The following FAM174A variants were observed in gnomAD, a reference collection of about 807,000 sequenced individuals.
FAM174A encodes the protein membrane protein FAM174A.
Under a neutral mutation model 14.3 loss-of-function variants are expected in FAM174A, and 14 were observed. The ratio of observed to expected loss-of-function variants is 0.98; its 90% CI spans 0.65 to 1.53. The LOEUF (loss-of-function observed/expected upper bound fraction) is 1.53. Ranked by LOEUF, FAM174A falls within the 40% of genes most tolerant of loss-of-function variation. The pLI is 0.00. For missense variants in FAM174A, 241 were observed against 249.6 expected, an observed-to-expected ratio of 0.97 and a Z score of 0.23; for synonymous variants, 108 against 111.4, an observed-to-expected ratio of 0.97 and a Z score of 0.19.
chr5:100,567,119 G>C (rs1277488041), intron 2 of FAM174A, among the ~76,000 whole-genome samples: 1 of 151,622 alleles, frequency 6.6e-6, no homozygotes, highest in Non-Finnish European at 1.5e-5. Flanking sequence ...AACAAGAATT[G>C]GTTATAATAA....
chr5:100,561,230 C>A (rs915909249), intron 1 of FAM174A, among the ~76,000 whole-genome samples: 1 of 151,826 alleles, frequency 6.6e-6, no homozygotes, highest in Admixed American at 6.6e-5. Flanking sequence ...TGTTAAGCAC[C>A]CTTGAATCTT....
chr5:100,570,571 T>C (rs578134722), intron 2 of FAM174A, among the ~76,000 whole-genome samples: 1 of 152,024 alleles, frequency 6.6e-6, no homozygotes, highest in South Asian at 2.1e-4. Flanking sequence ...AATAGGAACT[T>C]GACCAAGGAT....
chr5:100,546,348 T>C (rs1207254410), intron 1 of FAM174A, among the ~76,000 whole-genome samples: 6 of 152,128 alleles, frequency 3.9e-5, no homozygotes, highest in Non-Finnish European at 7.4e-5. Flanking sequence ...GTCCTAGTCA[T>C]GAGCCTACTA....
chr5:100,556,993 G>T (rs1377911118), intron 1 of FAM174A, among the ~76,000 whole-genome samples: 1 of 152,134 alleles, frequency 6.6e-6, no homozygotes, highest in Admixed American at 6.5e-5. Flanking sequence ...AATAGGAGTG[G>T]TGAGAGAGGG....
intron 2 of FAM174A, among the ~76,000 whole-genome samples, chr5:100,585,469 G>A (rs767575905): frequency 2.0e-5 from 3 of 151,804 alleles, no homozygotes; most frequent in Non-Finnish European, 2.9e-5. Flanking sequence ...GCTGGAATAC[G>A]GTGGCACAAT....
At chr5:100,567,622 G>T in intron 2 of FAM174A, among the ~76,000 whole-genome samples, 1 of 151,854 alleles carries the variant, frequency 6.6e-6, no homozygotes, top group East Asian at 1.9e-4. Flanking sequence ...AGATTTACTA[G>T]TTATTAGCAT....
chr5:100,584,752 G>A (rs1463941657), intron 2 of FAM174A, among the ~76,000 whole-genome samples: 6 of 152,176 alleles, frequency 3.9e-5, no homozygotes, highest in Non-Finnish European at 8.8e-5. Flanking sequence ...TGAAGCTGCA[G>A]TGACAGTTTC....
At chr5:100,575,207 A>G (rs1746875888) in intron 2 of FAM174A, among the ~76,000 whole-genome samples, 1 of 151,980 alleles carries the variant, frequency 6.6e-6, no homozygotes, top group Non-Finnish European at 1.5e-5. Flanking sequence ...CTGCCTTTTC[A>G]ATTGCAGTAC....
intron 2 of FAM174A, among the ~76,000 whole-genome samples, chr5:100,577,400 G>A (rs1055623259): frequency 6.6e-6 from 1 of 151,958 alleles, no homozygotes; most frequent in African/African-American, 2.4e-5. Context: ...GGCTACTGCT[G>A]TTATGCTTCA....
chr5:100,573,220 G>T (rs1193897094), intron 2 of FAM174A, among the ~76,000 whole-genome samples: 2 of 151,902 alleles, frequency 1.3e-5, no homozygotes, highest in East Asian at 1.9e-4. Context: ...CACTCTGATG[G>T]TAGTTTCTTT....
intron 2 of FAM174A, among the ~76,000 whole-genome samples, chr5:100,566,474 T>G (rs1020427339): frequency 6.6e-6 from 1 of 151,682 alleles, no homozygotes; most frequent in Non-Finnish European, 1.5e-5. Context: ...AGTTCATTTA[T>G]GCAAGATGAA....
At position 100,586,399 on chromosome 5, in the gene FAM174A, G is replaced by A. The variant is rs1039662110; in HGVS notation, c.*215G>A. On this transcript the variant is annotated 3_prime_UTR_variant, in exon 3 of 3. Transcript: ENST00000312637. ...TCTGTTAATGGGCTCAGAGATGTTG[G>A]GGATAAAGTATACTGTAATAATTTA... The A allele has an allele frequency of 8.1e-5, 25 of 308,594 alleles. No individual in the cohort carries two copies. Among genetic ancestry groups the A allele is most frequent in the East Asian group, 3.2e-4 (7 of 21,568 alleles). 19.1% of individuals were successfully genotyped at this position (308,594 alleles called of 1,614,324 possible).
intron 2 of FAM174A, among the ~76,000 whole-genome samples, chr5:100,570,106 CTG>C (rs1746747520): frequency 6.6e-6 from 1 of 151,818 alleles, no homozygotes; most frequent in South Asian, 2.1e-4. Context: ...TTCTAGACAT[CTG>C]TGCTATTTTT....
At chr5:100,576,400 C>T (rs926909852) in intron 2 of FAM174A, among the ~76,000 whole-genome samples, 3 of 152,130 alleles carry the variant, frequency 2.0e-5, no homozygotes, top group African/African-American at 7.2e-5. Context: ...ATCATACTAG[C>T]AGTTCCTATA....
chr5:100,578,157 A>AT (rs781052377), intron 2 of FAM174A, among the ~76,000 whole-genome samples: 1 of 152,100 alleles, frequency 6.6e-6, no homozygotes, highest in Non-Finnish European at 1.5e-5. Context: ...AAAACTGAGC[A>AT]TTTTACATAG....
At chr5:100,537,203 C>T (rs541022910) in intron 1 of FAM174A, among the ~76,000 whole-genome samples, 2 of 152,210 alleles carry the variant, frequency 1.3e-5, no homozygotes, top group African/African-American at 4.8e-5. Context: ...TATGCTTCAA[C>T]CAAACAACAC....
intron 2 of FAM174A, among the ~76,000 whole-genome samples, chr5:100,568,219 G>A (rs531898297): frequency 2.0e-5 from 3 of 151,970 alleles, no homozygotes; most frequent in African/African-American, 7.2e-5. Context: ...TGTCCCAGAT[G>A]TGGTCAGTGG....
At chr5:100,552,831 G>C (rs1746291164) in intron 1 of FAM174A, among the ~76,000 whole-genome samples, 1 of 152,050 alleles carries the variant, frequency 6.6e-6, no homozygotes, top group Non-Finnish European at 1.5e-5. Flanking sequence ...TACCTAGAAA[G>C]CATCTGACCA....
intron 1 of FAM174A, among the ~76,000 whole-genome samples, chr5:100,556,658 G>A (rs576095013): frequency 6.2e-4 from 94 of 152,038 alleles, no homozygotes; most frequent in Non-Finnish European, 8.7e-4. Context: ...GGTCCTTCAC[G>A]TCCCTTGTAA....
Sources: allele counts gnomAD v4.1 joint callset (sites outside exome capture counted in the v4.1 genomes callset), GRCh38; gene constraint gnomAD v4.1.1; transcripts MANE v1.5; gene names NCBI Gene and HGNC (gene_info 2026-07-23, HGNC 2026-07-21).